The following ING5 variants were observed in gnomAD, a reference collection of about 807,000 sequenced individuals.
ING5 encodes the protein inhibitor of growth family member 5.
ING5 carries 17 observed loss-of-function variants against 37.4 expected under a neutral mutation model. That is an observed-to-expected ratio of 0.45 (90% CI 0.31 to 0.68). ING5 has a LOEUF of 0.68. Among genes scored for constraint, ING5 ranks in the 30% least tolerant of loss-of-function variants. ING5 has a pLI of 0.05. For synonymous variants in ING5, 123 were observed against 116.6 expected (o/e 1.06, Z -0.36); for missense variants, 233 against 311.9 (o/e 0.75, Z 1.91).
rs1450146693 is a variant in ING5, at chr2:241,724,102, T to C, written c.680+831T>C. The C allele has an allele frequency of 3.9e-6, 5 of 1,288,150 alleles. No homozygotes were observed. The Admixed American group carries it at 1.1e-4, about 28-fold the overall frequency. The allele number at this position is 1,288,150 out of a possible 1,614,324, so 79.8% of individuals were successfully genotyped here. A position where few individuals can be genotyped will look rare whatever the true frequency, so the allele number is the denominator to read the frequency against. ...CTATGTTCTGAAAATGAAATCGGAA[T>C]GTGCTCTTCTGTGTGGCACTCAGAG... On this transcript the variant is annotated intron_variant, in intron 7 of 7. Coordinates refer to ENST00000313552, the MANE Select transcript of ING5 (RefSeq NM_032329.6).
upstream of ING5, among the ~76,000 whole-genome samples, chr2:241,701,524 C>T (rs866099729): frequency 1.3e-5 from 2 of 152,140 alleles, no homozygotes; most frequent in African/African-American, 2.4e-5. Flanking sequence ...GCCCGGGCCA[C>T]GCGGTGCCGG....
intron 7 of ING5, chr2:241,724,162 C>T (rs549196217): frequency 1.0e-4 from 80 of 792,080 alleles, no homozygotes; most frequent in Admixed American, 8.6e-4. Flanking sequence ...CTCCGGCAGA[C>T]TCGCCCGAGT....
At chr2:241,711,534 G>C (rs765415546) in intron 4 of ING5, 46 bp downstream of exon 4, 29 of 1,340,656 alleles carry the variant, frequency 2.2e-5, no homozygotes, top group Admixed American at 4.2e-5. Flanking sequence ...TGTTAACTAT[G>C]GAGTTTTGAA....
upstream of ING5, among the ~76,000 whole-genome samples, chr2:241,699,038 TG>T (rs570586792): frequency 1.0e-4 from 14 of 139,156 alleles, 1 homozygote; most frequent in African/African-American, 3.6e-4. Context: ...AATTTTTTTT[TG>T]GGGGGGGAGG....
intron 2 of ING5, among the ~76,000 whole-genome samples, chr2:241,705,445 T>C (rs1341735644): frequency 2.2e-5 from 3 of 138,172 alleles, no homozygotes; most frequent in Non-Finnish European, 3.1e-5. Context: ...TTGCCCAGGC[T>C]AGAGTGCAGT....
chr2:241,700,537 C>T (rs1341661571), upstream of ING5, among the ~76,000 whole-genome samples: 2 of 151,810 alleles, frequency 1.3e-5, no homozygotes, highest in African/African-American at 4.8e-5. Flanking sequence ...CTCACTGCAA[C>T]CTCCGCCTCC....
upstream of ING5, among the ~76,000 whole-genome samples, chr2:241,699,810 A>G (rs1049694345): frequency 1.3e-5 from 2 of 151,774 alleles, no homozygotes; most frequent in Admixed American, 1.3e-4. Context: ...GAAGTGACAC[A>G]CCTCACCCAT....
upstream of ING5, chr2:241,701,965 C>T (rs2069738271): frequency 3.8e-6 from 3 of 783,348 alleles, no homozygotes; most frequent in South Asian, 8.4e-5. Context: ...GACCAATCAG[C>T]GCGCGCGACT....
chr2:241,696,708 C>T (rs1206770100), intron 2 of ING5, among the ~76,000 whole-genome samples: 1 of 152,016 alleles, frequency 6.6e-6, no homozygotes, highest in Non-Finnish European at 1.5e-5. Flanking sequence ...CCTTTGAACC[C>T]AGGAGGTCGA....
At chr2:241,716,417 G>T (rs749190463) in intron 5 of ING5, among the ~76,000 whole-genome samples, 1 of 146,474 alleles carries the variant, frequency 6.8e-6, no homozygotes, top group Non-Finnish European at 1.5e-5. Context: ...CTCAGCCTCC[G>T]CAGTAGCTGG....
intron 1 of ING5, among the ~76,000 whole-genome samples, chr2:241,702,454 C>T (rs904126290): frequency 1.3e-5 from 2 of 152,028 alleles, no homozygotes; most frequent in Non-Finnish European, 2.9e-5. Context: ...CCGGCCCCGG[C>T]CCCGCCAGGT....
upstream of ING5, among the ~76,000 whole-genome samples, chr2:241,698,237 G>A (rs2069659223): frequency 6.6e-6 from 1 of 152,104 alleles, no homozygotes; most frequent in South Asian, 2.1e-4. Flanking sequence ...GAGGTCAGGT[G>A]ATCAAGACCA....
At chr2:241,716,060 T>C (rs1219004468) in intron 5 of ING5, among the ~76,000 whole-genome samples, 1 of 149,918 alleles carries the variant, frequency 6.7e-6, no homozygotes, top group Non-Finnish European at 1.5e-5. Context: ...CCCCTCCCTG[T>C]AAAGTGCTGG....
chr2:241,695,081 G>A (rs2069613119), intron 2 of ING5, among the ~76,000 whole-genome samples: 1 of 150,482 alleles, frequency 6.6e-6, no homozygotes, highest in South Asian at 2.1e-4. Flanking sequence ...TTAGTTGTGG[G>A]TATAATGTTT....
intron 5 of ING5, among the ~76,000 whole-genome samples, chr2:241,718,335 CCCTCACTT>C (rs1210518694): frequency 6.7e-6 from 1 of 149,048 alleles, no homozygotes; most frequent in Non-Finnish European, 1.5e-5. Context: ...CTCCCTCCCT[CCCTCACTT>C]CCTTCCTCCT....
upstream of ING5, among the ~76,000 whole-genome samples, chr2:241,697,397 T>C (rs950940377): frequency 3.5e-5 from 5 of 141,702 alleles, no homozygotes; most frequent in Non-Finnish European, 7.5e-5. Flanking sequence ...ATCCTGCCAC[T>C]GCACTCCAGC....
chr2:241,702,091 A>G lies in ING5; in HGVS notation c.26A>G (p.His9Arg). The change falls in exon 1 of 8, where the codon CAC becomes CGC. Residue 9 changes from histidine (H) to arginine (R), a missense_variant. His to Arg is a conservative substitution (Grantham distance 29, BLOSUM62 0). Transcript: ENST00000313552. MATAMYLEHYLDSIENLPC... is the reference protein window; with the variant it reads MATAMYLERYLDSIENLPC... The stretch of plus-strand genomic sequence containing the variant: ...ATGGCGACCGCCATGTACTTGGAGC[A>G]CTATCTGGACAGTAAGCGCGCCCCA... The G allele has an allele frequency of 1.5e-6, 2 of 1,362,282 alleles. No homozygotes were observed. Among genetic ancestry groups the G allele is most frequent in the Non-Finnish European group, 1.9e-6 (2 of 1,049,886 alleles). The allele number at this position is 1,362,282 out of a possible 1,614,324, so 84.4% of individuals were successfully genotyped here. A position where few individuals can be genotyped will look rare whatever the true frequency, so the allele number is the denominator to read the frequency against.
intron 5 of ING5, among the ~76,000 whole-genome samples, chr2:241,712,852 C>A (rs62191349): frequency 2.6e-5 from 4 of 151,788 alleles, no homozygotes; most frequent in Non-Finnish European, 5.9e-5. Context: ...CAAGTGAGTC[C>A]CCCATCTCTA....
At chr2:241,711,850 A>G (rs1351849089) in intron 4 of ING5, 128 bp from the exon 5 acceptor site, 1 of 827,724 alleles carries the variant, frequency 1.2e-6, no homozygotes. Context: ...GCGGTGAGCT[A>G]TGATTGCTCC....
Sources: allele counts gnomAD v4.1 joint callset (sites outside exome capture counted in the v4.1 genomes callset), GRCh38; gene constraint gnomAD v4.1.1; transcripts MANE v1.5; gene names NCBI Gene and HGNC (gene_info 2026-07-23, HGNC 2026-07-21).